Variants in CDH18 observed in about 807,000 individuals in gnomAD.
CDH18 encodes cadherin-18.
A neutral mutation model predicts 67.9 loss-of-function variants in CDH18; 31 were observed. The observed-to-expected ratio is 0.46, with a 90% confidence interval of 0.34 to 0.62. The LOEUF is 0.62. CDH18 is among the 20% of genes least tolerant of loss of function. CDH18 has a pLI of 0.01. For synonymous variants in CDH18, 362 were observed against 347.2 expected (o/e 1.04, Z -0.48); for missense variants, 890 against 975.5 (o/e 0.91, Z 1.17).
In CDH18 at chr5:20,004,558, C is replaced by T. The variant is rs564853700; in HGVS notation, c.-517-12544G>A. On this transcript the variant is annotated intron_variant, in intron 2 of 14. Coordinates refer to the CDH18 transcript ENST00000507958. ...GAATAGGCCACCAACGATTAGCCAA[C>T]GTATGAGGAAACTTAAGCAGTAATG... Among the ~76,000 whole-genome samples the T allele has an allele frequency of 5.9e-5, 9 of 152,154 alleles. 1 individual carries two copies. The South Asian group carries it at 1.0e-3, about 18-fold the overall frequency.
chr5:20,114,636 T>C (rs1236107370), intron 2 of CDH18, among the ~76,000 whole-genome samples: 2 of 152,162 alleles, frequency 1.3e-5, no homozygotes, highest in African/African-American at 4.8e-5. Flanking sequence ...AGGTGAAATA[T>C]AATTTTTTCA....
chr5:20,023,055 T>A (rs3105777), intron 2 of CDH18, among the ~76,000 whole-genome samples: 1 of 152,218 alleles, frequency 6.6e-6, no homozygotes, highest in African/African-American at 2.4e-5. Flanking sequence ...TTTTTTAAAC[T>A]TTAAAACACA....
At chr5:19,927,357 G>C (rs1508628) in intron 2 of CDH18, among the ~76,000 whole-genome samples, 129,902 of 152,038 alleles carry the variant, frequency 0.85, 56,493 homozygotes, top group South Asian at 0.95. Flanking sequence ...TACTCTATGA[G>C]GTAGTTTTGA....
chr5:19,592,817 A>G (rs1158109863), intron 6 of CDH18, among the ~76,000 whole-genome samples: 1 of 151,530 alleles, frequency 6.6e-6, no homozygotes, highest in Admixed American at 6.6e-5. Context: ...TTGATTAGCA[A>G]CTCCTCACTC....
At chr5:19,971,385 C>G (rs1185986588) in intron 2 of CDH18, among the ~76,000 whole-genome samples, 1 of 151,874 alleles carries the variant, frequency 6.6e-6, no homozygotes, top group Non-Finnish European at 1.5e-5. Context: ...AAAAAAAGTT[C>G]AATGCCACAG....
At chr5:20,235,433 A>T (rs1260577645) in intron 2 of CDH18, among the ~76,000 whole-genome samples, 1 of 152,178 alleles carries the variant, frequency 6.6e-6, no homozygotes, top group Non-Finnish European at 1.5e-5. Context: ...CAACAAGCAA[A>T]AAATGAATAA....
At chr5:20,331,426 A>C (rs148647901) in intron 1 of CDH18, 1 of 152,140 alleles carries the variant, frequency 6.6e-6, no homozygotes, top group Non-Finnish European at 1.5e-5. Context: ...TTCACTTCTC[A>C]CCATGATTCT....
intron 2 of CDH18, among the ~76,000 whole-genome samples, chr5:20,095,488 AGG>A (rs1416724526): frequency 1.9e-3 from 66 of 34,638 alleles, no homozygotes; most frequent in African/African-American, 4.4e-3. Context: ...GGAGAGAGAG[AGG>A]GAGGGAGGGA....
intron 1 of CDH18, among the ~76,000 whole-genome samples, chr5:20,574,697 C>T (rs943086534): frequency 6.6e-6 from 1 of 152,082 alleles, no homozygotes; most frequent in Non-Finnish European, 1.5e-5. Flanking sequence ...AAACTCTATT[C>T]TTCCCAGCAG....
At chr5:20,209,421 A>C (rs1431876842) in intron 2 of CDH18, among the ~76,000 whole-genome samples, 1 of 152,100 alleles carries the variant, frequency 6.6e-6, no homozygotes, top group Non-Finnish European at 1.5e-5. Flanking sequence ...ATTCAGACAT[A>C]AAATAGTGAA....
chr5:19,990,406 C>T (rs143629229), upstream of CDH18, among the ~76,000 whole-genome samples: 27 of 152,250 alleles, frequency 1.8e-4, no homozygotes, highest in Middle Eastern at 3.4e-3. Context: ...TGCTGGCCTT[C>T]CTTGGTGGTT....
At chr5:20,161,845 TA>T (rs1735913640) in intron 2 of CDH18, among the ~76,000 whole-genome samples, 1 of 152,222 alleles carries the variant, frequency 6.6e-6, no homozygotes, top group Non-Finnish European at 1.5e-5. Flanking sequence ...CACTTGATTA[TA>T]ATTGCACATT....
At chr5:20,109,040 A>G (rs906019399) in intron 2 of CDH18, among the ~76,000 whole-genome samples, 11 of 152,238 alleles carry the variant, frequency 7.2e-5, no homozygotes. Flanking sequence ...GCCTGCATAG[A>G]TTGTTACCTT....
At chr5:19,789,769 A>G (rs1247890622) in intron 3 of CDH18, among the ~76,000 whole-genome samples, 3 of 152,104 alleles carry the variant, frequency 2.0e-5, no homozygotes, top group African/African-American at 7.2e-5. Context: ...GTTTGCCAAT[A>G]GTAGTACTTG....
At position 19,571,446 on chromosome 5, in the gene CDH18, ATAT is replaced by A. The variant is rs950847925; in HGVS notation, c.1253+130_1253+132del. 6.0e-5 allele frequency: 49 copies of A among 818,270 alleles called. No individual in the cohort carries two copies. The African/African-American group carries it at 8.4e-4, about 14-fold the overall frequency. 50.7% of individuals were successfully genotyped at this position (818,270 alleles called of 1,614,324 possible). On this transcript the variant is annotated intron_variant, in intron 8 of 12. Transcript: ENST00000382275. ...TAAGCTACACAGTTAAAATCAATTA[ATAT>A]TATAATTTAATTATATTCGTAGAAA...
At chr5:19,785,099 G>A (rs573371042) in intron 3 of CDH18, among the ~76,000 whole-genome samples, 1 of 152,170 alleles carries the variant, frequency 6.6e-6, no homozygotes, top group Non-Finnish European at 1.5e-5. Flanking sequence ...CACATTCTCA[G>A]GACTTCTTGA....
In CDH18 at chr5:19,965,148, C is replaced by T. The variant is rs544111650; in HGVS notation, c.-257+15912G>A. Reference sequence around the variant, plus strand: ...TTGTAGTTTATATGTTTTCTATACCCGCGTTTTAAACAATAGATCTATCTC... The same window carrying T: ...TTGTAGTTTATATGTTTTCTATACCTGCGTTTTAAACAATAGATCTATCTC... On this transcript the variant is annotated intron_variant, in intron 2 of 12. Coordinates refer to ENST00000382275, the MANE Select transcript of CDH18 (RefSeq NM_004934.5). Among the ~76,000 whole-genome samples the T allele has an allele frequency of 6.6e-5, 10 of 151,888 alleles. No homozygotes were observed. In the East Asian group the frequency reaches 1.9e-3, roughly 29 times the overall value.
intron 1 of CDH18, among the ~76,000 whole-genome samples, chr5:20,411,787 C>T (rs6870154): frequency 0.52 from 78,597 of 150,228 alleles, 20,930 homozygotes; most frequent in Middle Eastern, 0.62. Context: ...TACAATAGCC[C>T]CCTGCCCACA....
chr5:19,715,087 T>C (rs908058327), intron 5 of CDH18, among the ~76,000 whole-genome samples: 3 of 152,114 alleles, frequency 2.0e-5, no homozygotes, highest in Non-Finnish European at 4.4e-5. Flanking sequence ...TATGAAATGA[T>C]ACAAAATGAA....
Sources: gnomAD v4.1 joint callset for allele counts (sites outside exome capture counted in the v4.1 genomes callset) on GRCh38, gnomAD v4.1.1 for gene constraint, MANE v1.5 for transcripts, NCBI Gene and HGNC (gene_info 2026-07-23, HGNC 2026-07-21) for gene names.